The following RGS5 variants were observed in gnomAD, a reference collection of about 807,000 sequenced individuals.
The protein encoded by RGS5 is regulator of G-protein signalling 5.
Under a neutral mutation model 18.9 loss-of-function variants are expected in RGS5, and 20 were observed. The ratio of observed to expected loss-of-function variants is 1.06; its 90% CI spans 0.74 to 1.54. The LOEUF is 1.54. Ranked by LOEUF, RGS5 falls within the 40% of genes most tolerant of loss-of-function variation. RGS5 has a pLI of 0.00. For synonymous variants in RGS5, 57 were observed against 76.2 expected (o/e 0.75, Z 1.31); for missense variants, 201 against 211.8 (o/e 0.95, Z 0.32).
At chr1:163,160,131 A>G (rs1657745266) in intron 3 of RGS5, among the ~76,000 whole-genome samples, 2 of 152,190 alleles carry the variant, frequency 1.3e-5, no homozygotes, top group South Asian at 4.1e-4. Flanking sequence ...AAAAGCCTGA[A>G]ATATATAGAC....
At chr1:163,230,997 C>T (rs1647466614) in intron 2 of RGS5, among the ~76,000 whole-genome samples, 1 of 152,146 alleles carries the variant, frequency 6.6e-6, no homozygotes, top group Non-Finnish European at 1.5e-5. Flanking sequence ...ATGGACTTTG[C>T]ACAAGTGATT....
At chr1:163,258,076 A>G (rs750040305) in intron 2 of RGS5, among the ~76,000 whole-genome samples, 1 of 152,144 alleles carries the variant, frequency 6.6e-6, no homozygotes, top group Non-Finnish European at 1.5e-5. Flanking sequence ...AGCAAGTTTG[A>G]TCCTACATTG....
At chr1:163,161,412 G>A (rs1298172222) in intron 3 of RGS5, among the ~76,000 whole-genome samples, 1 of 152,156 alleles carries the variant, frequency 6.6e-6, no homozygotes, top group Non-Finnish European at 1.5e-5. Flanking sequence ...GATGTAAAAG[G>A]CATGGTGCCA....
intron 2 of RGS5, among the ~76,000 whole-genome samples, chr1:163,256,200 A>G (rs1399126990): frequency 1.3e-5 from 2 of 152,130 alleles, no homozygotes; most frequent in Non-Finnish European, 1.5e-5. Flanking sequence ...ATGATTGTAT[A>G]TCTAGAAAAC....
intron 2 of RGS5, among the ~76,000 whole-genome samples, chr1:163,227,236 A>G (rs1335288444): frequency 6.6e-6 from 1 of 152,218 alleles, no homozygotes; most frequent in African/African-American, 2.4e-5. Flanking sequence ...TGCTGTTCTC[A>G]TGCTTCTGTG....
intron 2 of RGS5, among the ~76,000 whole-genome samples, chr1:163,247,871 T>C (rs978701231): frequency 6.6e-6 from 1 of 152,290 alleles, no homozygotes; most frequent in South Asian, 2.1e-4. Context: ...CGTTGGCCCA[T>C]GGCGGATGAT....
At chr1:163,217,712 T>G, upstream of RGS5, 1 of 1,341,698 alleles carries the variant, frequency 7.5e-7, no homozygotes, top group African/African-American at 1.5e-5. Flanking sequence ...GGAACCTTGA[T>G]GACATTGTTG....
At chr1:163,186,530 G>A (rs1342781998) in intron 1 of RGS5, among the ~76,000 whole-genome samples, 1 of 124,384 alleles carries the variant, frequency 8.0e-6, no homozygotes, top group African/African-American at 3.0e-5. Flanking sequence ...AGTGAGCCGA[G>A]ATCACACCAC....
At chr1:163,305,120 A>G (rs1649661717) in intron 2 of RGS5, 1 of 151,966 alleles carries the variant, frequency 6.6e-6, no homozygotes, top group Admixed American at 6.6e-5. Context: ...ACGCTTTTTC[A>G]CTCCTTCCTT....
At chr1:163,315,709 T>C (rs1267057836) in intron 1 of RGS5, among the ~76,000 whole-genome samples, 1 of 152,144 alleles carries the variant, frequency 6.6e-6, no homozygotes, top group African/African-American at 2.4e-5. Flanking sequence ...AATCCACTAA[T>C]AAAGATGAAC....
At chr1:163,284,891 G>A (rs1337931758) in intron 2 of RGS5, among the ~76,000 whole-genome samples, 2 of 151,632 alleles carry the variant, frequency 1.3e-5, no homozygotes, top group African/African-American at 4.9e-5. Flanking sequence ...TTTTTATGCT[G>A]CTGATAAAGA....
chr1:163,161,310 T>C (rs754715093), intron 3 of RGS5, among the ~76,000 whole-genome samples: 2 of 152,122 alleles, frequency 1.3e-5, no homozygotes, highest in Non-Finnish European at 2.9e-5. Context: ...GGATTTTGGA[T>C]TGGGGAAATG....
At chr1:163,256,998 CATA>C (rs1241904797) in intron 2 of RGS5, among the ~76,000 whole-genome samples, 1 of 152,126 alleles carries the variant, frequency 6.6e-6, no homozygotes, top group African/African-American at 2.4e-5. Context: ...TCTTTTTCAT[CATA>C]ATAATTCACT....
At chr1:163,150,757 G>A (rs1466107102) in intron 4 of RGS5, among the ~76,000 whole-genome samples, 1 of 152,140 alleles carries the variant, frequency 6.6e-6, no homozygotes. Flanking sequence ...CCAACCCTGT[G>A]TCATGGAGGA....
chr1:163,235,873 T>C (rs1647608690), intron 2 of RGS5, among the ~76,000 whole-genome samples: 1 of 152,210 alleles, frequency 6.6e-6, no homozygotes, highest in Admixed American at 6.5e-5. Flanking sequence ...CAGGTTTCTC[T>C]CTACTTTAGA....
intron 2 of RGS5, among the ~76,000 whole-genome samples, chr1:163,301,687 CTTCACTCTGGCT>C (rs1031833330): frequency 1.1e-4 from 17 of 152,184 alleles, no homozygotes; most frequent in African/African-American, 4.1e-4. Flanking sequence ...CAATTCTCCC[CTTCACTCTGGCT>C]TTCACAGGCC....
chr1:163,227,039 T>A (rs1052799444), intron 2 of RGS5, among the ~76,000 whole-genome samples: 1 of 152,232 alleles, frequency 6.6e-6, no homozygotes, highest in Non-Finnish European at 1.5e-5. Flanking sequence ...GATATCACCA[T>A]CTTTCACTTG....
At chr1:163,275,541 T>C (rs941554302) in intron 2 of RGS5, among the ~76,000 whole-genome samples, 1 of 152,198 alleles carries the variant, frequency 6.6e-6, no homozygotes, top group Non-Finnish European at 1.5e-5. Flanking sequence ...CCTGTCCTAC[T>C]CTGGTTGAAT....
At chr1:163,213,371 C>G (rs1286667481) in intron 1 of RGS5, among the ~76,000 whole-genome samples, 2 of 152,164 alleles carry the variant, frequency 1.3e-5, no homozygotes. Flanking sequence ...ACACAAAATA[C>G]TGGACAGAAT....
Sources: allele counts gnomAD v4.1 joint callset (sites outside exome capture counted in the v4.1 genomes callset), GRCh38; gene constraint gnomAD v4.1.1; transcripts MANE v1.5; gene names NCBI Gene and HGNC (gene_info 2026-07-23, HGNC 2026-07-21).